NEBL: variants seen among roughly 807,000 people sequenced by gnomAD.
The protein encoded by NEBL is nebulette.
Under a neutral mutation model 140.2 loss-of-function variants are expected in NEBL, and 122 were observed. The ratio of observed to expected loss-of-function variants is 0.87; its 90% CI spans 0.75 to 1.01. The LOEUF is 1.01. Among genes scored for constraint, NEBL ranks in the 50% least tolerant of loss-of-function variants. The pLI, the probability that NEBL is intolerant of heterozygous loss-of-function variation, is 0.00. For missense variants in NEBL, 1,365 were observed against 1,231.3 expected (o/e 1.11, Z -1.62); for synonymous variants, 436 against 398.9 (o/e 1.09, Z -1.11).
At position 21,288,831 on chromosome 10, in the gene NEBL, TATATATATATATATATATAA is replaced by T. The variant is rs1843101731; in HGVS notation, n.182+3979_182+3998del. 2.6e-5 allele frequency among the ~76,000 whole-genome samples: 2 copies of T among 77,050 alleles called. 1 individual carries two copies. The highest frequency in any genetic ancestry group is 3.2e-4 in the Admixed American group (2 of 6,318). 50.5% of individuals were successfully genotyped at this position (77,050 alleles called of 152,430 possible). ...ATACGTGTGTGTGTGTATATATATA[TATATATATATATATATATAA>T]AAATTTTTTTTTTTTGAGACGGAGT... On this transcript the variant is annotated intron_variant and non_coding_transcript_variant, in intron 1 of 8. Coordinates refer to the NEBL transcript ENST00000675702.
chr10:20,834,655 G>A (rs1056503053), intron 14 of NEBL, among the ~76,000 whole-genome samples: 4 of 152,180 alleles, frequency 2.6e-5, no homozygotes, highest in Non-Finnish European at 5.9e-5. Context: ...ATACTCCACT[G>A]AAGCCCCCAC....
chr10:20,915,525 G>A (rs982937477), intron 4 of NEBL, among the ~76,000 whole-genome samples: 5 of 151,288 alleles, frequency 3.3e-5, no homozygotes, highest in East Asian at 2.0e-4. Context: ...TTGTTCTTGC[G>A]ATAGTTTACT....
chr10:21,177,159 AT>A (rs1360492568), upstream of NEBL, among the ~76,000 whole-genome samples: 1 of 152,244 alleles, frequency 6.6e-6, no homozygotes, highest in East Asian at 1.9e-4. Flanking sequence ...GTGAGTGGAC[AT>A]GACATATGTC....
chr10:20,897,153 A>T lies in NEBL; in HGVS notation c.53T>A (p.Ile18Lys). 6.2e-7 allele frequency: 1 copy of T among 1,605,414 alleles called. No individual in the cohort carries two copies. The highest frequency in any genetic ancestry group is 2.2e-5 in the East Asian group (1 of 44,832). ...DIKDETEEEK[I>K]GEEENEEDQV... ...GTCTTCTTCATTTTCTTCTTCCCCT[A>T]TCTTTTCTTCTTCAGTTTCATCTTT... Residue 18 changes from isoleucine (I) to lysine (K), a missense_variant, in exon 1 of 28, where the codon ATA becomes AAA. Ile to Lys is a moderately radical substitution (Grantham distance 102). This residue lies in a region of NEBL where 1,323 missense variants were observed against 1,154.8 expected (regional missense o/e 1.15). Coordinates refer to ENST00000377122, the MANE Select transcript of NEBL (RefSeq NM_006393.3).
chr10:20,898,391 T>C (rs1847672855), upstream of NEBL, among the ~76,000 whole-genome samples: 1 of 151,980 alleles, frequency 6.6e-6, no homozygotes, highest in Admixed American at 6.6e-5. Flanking sequence ...TCATTCTAAG[T>C]AGCCAAGCAT....
intron 3 of NEBL, among the ~76,000 whole-genome samples, chr10:21,247,428 G>A (rs7910610): frequency 0.2 from 30,299 of 152,002 alleles, 3,472 homozygotes; most frequent in African/African-American, 0.3. Context: ...AAACCAGATC[G>A]GTAGCTGTCT....
At position 21,093,165 on chromosome 10, in the gene NEBL, T is replaced by TTTC. The variant is rs1554824236; in HGVS notation, c.165-72965_165-72964insGAA. 9.5e-4 allele frequency among the ~76,000 whole-genome samples: 140 copies of TTTC among 148,136 alleles called. 6 individuals carry two copies. Among genetic ancestry groups the TTTC allele is most frequent in the African/African-American group, 3.4e-3 (135 of 39,978 alleles). On this transcript the variant is annotated intron_variant, in intron 2 of 6. Transcript: ENST00000417816. ...AGCAACAAGTCTTTTTTTTTTTTTT[T>TTTC]CCATTTTAGCAGAGCCAAATGAAGA...
chr10:21,229,762 A>G (rs1035098104), intron 3 of NEBL, among the ~76,000 whole-genome samples: 14 of 152,246 alleles, frequency 9.2e-5, no homozygotes, highest in Non-Finnish European at 1.6e-4. Flanking sequence ...GTAACACACC[A>G]GCTGGTAACC....
chr10:21,212,452 G>A (rs952881208), intron 3 of NEBL, among the ~76,000 whole-genome samples: 1 of 152,186 alleles, frequency 6.6e-6, no homozygotes, highest in Non-Finnish European at 1.5e-5. Flanking sequence ...CAGAGTGATG[G>A]GAGGAAAGAA....
intron 4 of NEBL, among the ~76,000 whole-genome samples, chr10:20,930,248 G>T (rs2131531496): frequency 6.6e-6 from 1 of 152,218 alleles, no homozygotes; most frequent in East Asian, 1.9e-4. Flanking sequence ...CAAAATTCTA[G>T]GAGACGTTCT....
At chr10:21,154,458 C>CAAAAA (rs368260076) in intron 2 of NEBL, among the ~76,000 whole-genome samples, 8 of 117,700 alleles carry the variant, frequency 6.8e-5, no homozygotes, top group African/African-American at 2.3e-4. Context: ...GACTCTGCTT[C>CAAAAA]AAAAAAAAAA....
chr10:20,883,802 T>C (rs1000973919), intron 4 of NEBL, among the ~76,000 whole-genome samples: 3 of 152,242 alleles, frequency 2.0e-5, no homozygotes, highest in African/African-American at 7.2e-5. Flanking sequence ...AAAAAGGCTA[T>C]GTAATTTTCT....
At chr10:21,141,984 A>G (rs987314800) in intron 2 of NEBL, among the ~76,000 whole-genome samples, 2 of 152,178 alleles carry the variant, frequency 1.3e-5, no homozygotes, top group Non-Finnish European at 2.9e-5. Flanking sequence ...CCTTCTAGGT[A>G]GAAGACAGGC....
chr10:21,186,896 AG>A (rs1177444854), intron 3 of NEBL, among the ~76,000 whole-genome samples: 2 of 151,802 alleles, frequency 1.3e-5, no homozygotes, highest in African/African-American at 4.8e-5. Context: ...GTACATGTTC[AG>A]TAGGAATGTG....
At chr10:20,851,702 T>A (rs1000532063) in intron 10 of NEBL, among the ~76,000 whole-genome samples, 2 of 151,872 alleles carry the variant, frequency 1.3e-5, no homozygotes, top group Non-Finnish European at 2.9e-5. Context: ...GGAGAATCGC[T>A]TGAACCCAGG....
intron 2 of NEBL, among the ~76,000 whole-genome samples, chr10:21,163,167 T>G (rs1589299757): frequency 6.6e-6 from 1 of 152,110 alleles, no homozygotes; most frequent in African/African-American, 2.4e-5. Context: ...TAGAAGAAGG[T>G]AGATTGTGAA....
At chr10:21,088,241 C>G (rs547137406) in intron 2 of NEBL, among the ~76,000 whole-genome samples, 1 of 152,336 alleles carries the variant, frequency 6.6e-6, no homozygotes, top group South Asian at 2.1e-4. Flanking sequence ...TGGCTCACAC[C>G]TGTAGTTCCA....
intron 2 of NEBL, among the ~76,000 whole-genome samples, chr10:21,076,551 AT>A (rs1366948219): frequency 6.6e-6 from 1 of 151,866 alleles, no homozygotes; most frequent in Non-Finnish European, 1.5e-5. Flanking sequence ...TCAAGCAAAT[AT>A]TTATACATCC....
chr10:21,261,339 T>C (rs1354341941), intron 1 of NEBL, among the ~76,000 whole-genome samples: 1 of 152,034 alleles, frequency 6.6e-6, no homozygotes, highest in Non-Finnish European at 1.5e-5. Context: ...TGATGGAAGT[T>C]TTTCATCCTA....
Sources: allele counts gnomAD v4.1 joint callset (sites outside exome capture counted in the v4.1 genomes callset), GRCh38; gene constraint gnomAD v4.1.1; regional missense constraint gnomAD v4.1.1; transcripts MANE v1.5; gene names NCBI Gene and HGNC (gene_info 2026-07-23, HGNC 2026-07-21).